SH3PXD2A: variants seen among roughly 807,000 people sequenced by gnomAD.
SH3PXD2A encodes SH3 and PX domain-containing protein 2A.
SH3PXD2A carries 32 observed loss-of-function variants against 115.2 expected under a neutral mutation model. The observed-to-expected ratio is 0.28, with a 90% CI of 0.21 to 0.37. SH3PXD2A has a LOEUF of 0.37. Ranked by LOEUF, SH3PXD2A falls within the 10% of genes least tolerant of loss-of-function variation. The pLI is 1.00. For missense variants in SH3PXD2A, 1,328 were observed against 1,498.7 expected (o/e 0.89, Z 1.88); for synonymous variants, 610 against 629.1 (o/e 0.97, Z 0.45).
chr10:103,855,064 A>T (rs1276927520), intron 1 of SH3PXD2A, 131 bp downstream of exon 1: 8 of 511,302 alleles, frequency 1.6e-5, no homozygotes, highest in Non-Finnish European at 2.0e-5. Flanking sequence ...CTGCGAAGAA[A>T]CTCCACGGCT....
intron 5 of SH3PXD2A, among the ~76,000 whole-genome samples, chr10:103,703,321 C>T (rs532742679): frequency 1.3e-5 from 2 of 152,196 alleles, no homozygotes; most frequent in Non-Finnish European, 2.9e-5. Flanking sequence ...CCAGATGTGC[C>T]CAGCCCAACA....
chr10:103,766,767 C>T (rs1205481971), intron 3 of SH3PXD2A, among the ~76,000 whole-genome samples: 1 of 152,218 alleles, frequency 6.6e-6, no homozygotes, highest in Non-Finnish European at 1.5e-5. Context: ...ACAAACATCT[C>T]AGCCTGCAGC....
chr10:103,603,847 C>T, intron 14 of SH3PXD2A, 58 bp from the exon 15 acceptor site: 1 of 1,496,992 alleles, frequency 6.7e-7, no homozygotes, highest in African/African-American at 1.4e-5. Context: ...CCTATGACAT[C>T]CCAAGGTAGG....
intron 5 of SH3PXD2A, among the ~76,000 whole-genome samples, chr10:103,704,323 G>A (rs549524949): frequency 6.6e-6 from 1 of 152,000 alleles, no homozygotes; most frequent in Non-Finnish European, 1.5e-5. Flanking sequence ...GCTGGCCTCA[G>A]GGGGAGGGGG....
At chr10:103,761,561 T>C in intron 3 of SH3PXD2A, among the ~76,000 whole-genome samples, 1 of 152,232 alleles carries the variant, frequency 6.6e-6, no homozygotes, top group East Asian at 1.9e-4. Context: ...TCAATTACTC[T>C]GTGCTGGTGA....
intron 11 of SH3PXD2A, 102 bp from the exon 12 acceptor site, chr10:103,613,292 T>A: frequency 1.2e-6 from 1 of 867,708 alleles, no homozygotes. Flanking sequence ...GAGCCTTCCC[T>A]ACCATGTTCT....
intron 14 of SH3PXD2A, 150 bp downstream of exon 14, chr10:103,605,648 G>T: frequency 1.1e-6 from 1 of 934,714 alleles, no homozygotes; most frequent in Non-Finnish European, 1.7e-6. Context: ...GCCAGCGCCA[G>T]GCAGATGCTC....
chr10:103,667,228 G>A (rs1024081630), intron 7 of SH3PXD2A, among the ~76,000 whole-genome samples: 1 of 152,114 alleles, frequency 6.6e-6, no homozygotes, highest in African/African-American at 2.4e-5. Flanking sequence ...CCAAACAGCT[G>A]GGATCATCTT....
At chr10:103,829,388 C>T (rs539939059) in intron 1 of SH3PXD2A, among the ~76,000 whole-genome samples, 1 of 152,232 alleles carries the variant, frequency 6.6e-6, no homozygotes, top group East Asian at 1.9e-4. Context: ...AGACCCCCTA[C>T]CCCAGAAAGC....
intron 2 of SH3PXD2A, among the ~76,000 whole-genome samples, chr10:103,797,821 A>T (rs919018781): frequency 7.9e-5 from 12 of 152,120 alleles, no homozygotes; most frequent in Non-Finnish European, 1.6e-4. Context: ...GTTTCTGTTC[A>T]GATGACAGAG....
rs917334009 is a variant in SH3PXD2A, at chr10:103,603,638, G to A, written c.1580C>T (p.Pro527Leu). ...LTRPKVPPPA[P>L]PSKPKEAEEG... is the part of the protein sequence containing the mutation. ...CTCGGCCTCCTTGGGCTTGCTGGGG[G>A]GTGCTGGCGGGGGCACCTTGGGCCG... The change falls in exon 15 of 15, where the codon CCC becomes CTC. Residue 527 changes from proline to leucine, a missense_variant. Transcript: ENST00000369774. The A allele has an allele frequency of 1.2e-6, 2 of 1,604,608 alleles. No homozygotes were observed. Among genetic ancestry groups the A allele is most frequent in the African/African-American group, 1.3e-5 (1 of 74,898 alleles).
intron 4 of SH3PXD2A, among the ~76,000 whole-genome samples, chr10:103,731,694 A>C (rs2038321705): frequency 6.6e-6 from 1 of 152,154 alleles, no homozygotes. Context: ...TAGAACAAGG[A>C]CCACAAGAAC....
intron 5 of SH3PXD2A, among the ~76,000 whole-genome samples, chr10:103,720,009 C>T (rs764124161): frequency 1.3e-5 from 2 of 152,160 alleles, no homozygotes; most frequent in African/African-American, 2.4e-5. Flanking sequence ...CGTGAGCCAC[C>T]GTGCCCGGCC....
intron 3 of SH3PXD2A, among the ~76,000 whole-genome samples, chr10:103,757,698 C>G (rs1335674395): frequency 1.3e-5 from 2 of 152,212 alleles, no homozygotes; most frequent in Non-Finnish European, 2.9e-5. Context: ...CCTGGAGGGT[C>G]TGCAGCTCGG....
chr10:103,820,524 T>A (rs2039367839), intron 1 of SH3PXD2A, among the ~76,000 whole-genome samples: 1 of 152,022 alleles, frequency 6.6e-6, no homozygotes, highest in African/African-American at 2.4e-5. Context: ...CCTCCCCCAG[T>A]GCCCCCTCAA....
intron 3 of SH3PXD2A, chr10:103,736,896 A>G: frequency 1.5e-6 from 1 of 677,592 alleles, no homozygotes; most frequent in Non-Finnish European, 2.3e-6. Flanking sequence ...CCTAGCAACA[A>G]AGGTAGCCAC....
At chr10:103,722,786 T>C (rs940716819) in intron 5 of SH3PXD2A, among the ~76,000 whole-genome samples, 1 of 152,134 alleles carries the variant, frequency 6.6e-6, no homozygotes, top group Non-Finnish European at 1.5e-5. Flanking sequence ...ATACTTTGCA[T>C]CCTATACCCT....
chr10:103,793,132 T>C (rs188512814), intron 2 of SH3PXD2A, among the ~76,000 whole-genome samples: 1 of 152,216 alleles, frequency 6.6e-6, no homozygotes, highest in Non-Finnish European at 1.5e-5. Flanking sequence ...AAATAATATA[T>C]GAATGCATTC....
At chr10:103,771,804 T>G (rs2236280) in intron 2 of SH3PXD2A, among the ~76,000 whole-genome samples, 31,445 of 146,496 alleles carry the variant, frequency 0.21, 3,671 homozygotes, top group African/African-American at 0.31. Context: ...CCCTGCAGCC[T>G]TCACATCAAG....
Sources: allele counts gnomAD v4.1 joint callset (sites outside exome capture counted in the v4.1 genomes callset), GRCh38; gene constraint gnomAD v4.1.1; transcripts MANE v1.5; gene names NCBI Gene and HGNC (gene_info 2026-07-23, HGNC 2026-07-21).